The following RAB3GAP2 variants were observed in gnomAD, a reference collection of about 807,000 sequenced individuals.
The protein encoded by RAB3GAP2 is RAB3 GTPase activating non-catalytic protein subunit 2.
Under a neutral mutation model 185.3 loss-of-function variants are expected in RAB3GAP2, and 87 were observed. The ratio of observed to expected loss-of-function variants is 0.47; its 90% CI spans 0.39 to 0.56. The LOEUF (loss-of-function observed/expected upper bound fraction) is 0.56. Ranked by LOEUF, RAB3GAP2 falls within the 20% of genes least tolerant of loss-of-function variation. RAB3GAP2 has a pLI of 0.00. For synonymous variants in RAB3GAP2, 554 were observed against 576.1 expected (o/e 0.96, Z 0.55); for missense variants, 1,492 against 1,638.2 (o/e 0.91, Z 1.54).
At chr1:220,228,138 C>T (rs767907764) in intron 2 of RAB3GAP2, among the ~76,000 whole-genome samples, 20 of 152,168 alleles carry the variant, frequency 1.3e-4, no homozygotes, top group Non-Finnish European at 2.4e-4. Flanking sequence ...CTGGTTCCTT[C>T]TTTAATGTGG....
intron 1 of RAB3GAP2, among the ~76,000 whole-genome samples, chr1:220,247,572 T>C (rs1659843636): frequency 6.6e-6 from 1 of 152,114 alleles, no homozygotes; most frequent in Non-Finnish European, 1.5e-5. Flanking sequence ...TACAGAGTGA[T>C]ATAATGAACT....
chr1:220,218,878 C>A (rs762164650), intron 2 of RAB3GAP2, among the ~76,000 whole-genome samples: 4 of 152,098 alleles, frequency 2.6e-5, no homozygotes, highest in Admixed American at 6.5e-5. Flanking sequence ...AGCTCCTGGT[C>A]ACATGTAATT....
chr1:220,151,635 G>A lies in RAB3GAP2; in HGVS notation c.3997C>T (p.Pro1333Ser). 6.2e-7 allele frequency: 1 copy of A among 1,612,202 alleles called. No individual in the cohort carries two copies. The highest frequency in any genetic ancestry group is 1.1e-5 in the South Asian group (1 of 91,030). Reference sequence around the variant, plus strand: ...GCTTTCAGCCAAGTACACAGTGTGGGTGGAAGTCTGGCAAGCAGCTCCATT... The same window carrying A: ...GCTTTCAGCCAAGTACACAGTGTGGATGGAAGTCTGGCAAGCAGCTCCATT... ...EGMELLARLP[P>S]TLCTWLKAMD... The change falls in exon 34 of 35, where the codon CCC becomes TCC. Residue 1333 changes from proline to serine, a missense_variant. Physicochemically the swap from Pro to Ser is moderately conservative, Grantham distance 74 (BLOSUM62 -1). Around this residue, in one of 5 missense-constraint regions of RAB3GAP2, gnomAD observed 387 missense variants for 455.3 expected, o/e 0.85. Coordinates refer to ENST00000358951, the MANE Select transcript of RAB3GAP2 (RefSeq NM_012414.4).
At chr1:220,234,265 T>C (rs1318179523) in intron 1 of RAB3GAP2, among the ~76,000 whole-genome samples, 2 of 151,660 alleles carry the variant, frequency 1.3e-5, no homozygotes, top group Non-Finnish European at 2.9e-5. Context: ...GCAATCAGCT[T>C]TAAAATTCTG....
At chr1:220,258,015 C>G (rs1357172859) in intron 1 of RAB3GAP2, among the ~76,000 whole-genome samples, 1 of 152,020 alleles carries the variant, frequency 6.6e-6, no homozygotes, top group Non-Finnish European at 1.5e-5. Context: ...AATTCCTAGA[C>G]ACATACATCT....
intron 30 of RAB3GAP2, 122 bp from the exon 31 acceptor site, chr1:220,157,610 T>C: frequency 9.1e-7 from 1 of 1,098,746 alleles, no homozygotes; most frequent in Non-Finnish European, 1.3e-6. Flanking sequence ...CAAATTGTAA[T>C]AAAAAAACAC....
intron 15 of RAB3GAP2, 114 bp downstream of exon 15, chr1:220,190,263 G>A (rs1365952421): frequency 5.9e-6 from 9 of 1,531,372 alleles, no homozygotes; most frequent in Non-Finnish European, 5.4e-6. Context: ...AAAGATATCA[G>A]TCTAAAGACA....
chr1:220,224,806 T>A (rs1571915349), intron 2 of RAB3GAP2, among the ~76,000 whole-genome samples: 1 of 152,132 alleles, frequency 6.6e-6, no homozygotes, highest in Non-Finnish European at 1.5e-5. Flanking sequence ...CCTAAACTGA[T>A]GGAGAAGAAA....
chr1:220,195,085 C>T lies in RAB3GAP2; in HGVS notation c.1123G>A (p.Ala375Thr). 6.2e-7 allele frequency: 1 copy of T among 1,614,082 alleles called. No homozygotes were observed. Among genetic ancestry groups the T allele is most frequent in the Non-Finnish European group, 8.5e-7 (1 of 1,179,968 alleles). Residue 375 changes from alanine to threonine, a missense_variant, in exon 12 of 35, where the codon GCT becomes ACT. Ala to Thr is a moderately conservative substitution (Grantham distance 58). Transcript: ENST00000358951. ...GAAGCATGACAGACTTGCCTTACAG[C>T]TAATGGGGTAGCTGGCTCAACCTTC... The part of the protein sequence containing the change: ...KPKVEPATPL[A>T]VRFGLPDSRR...
At chr1:220,211,114 G>T in intron 4 of RAB3GAP2, 112 bp from the exon 5 acceptor site, 1 of 1,033,690 alleles carries the variant, frequency 9.7e-7, no homozygotes, top group Non-Finnish European at 1.5e-6. Context: ...CTGTGAACCA[G>T]TTTTATTTGA....
At chr1:220,192,988 A>C (rs1658652581) in intron 13 of RAB3GAP2, among the ~76,000 whole-genome samples, 1 of 152,232 alleles carries the variant, frequency 6.6e-6, no homozygotes, top group Admixed American at 6.5e-5. Flanking sequence ...AGAAATTGAC[A>C]ATAACAGTGA....
At chr1:220,261,790 C>A (rs975180431) in intron 1 of RAB3GAP2, among the ~76,000 whole-genome samples, 1 of 152,104 alleles carries the variant, frequency 6.6e-6, no homozygotes, top group Non-Finnish European at 1.5e-5. Flanking sequence ...TCAATGGCTA[C>A]CCTCTGCCCA....
intron 12 of RAB3GAP2, among the ~76,000 whole-genome samples, chr1:220,193,890 T>A (rs528444654): frequency 3.9e-5 from 6 of 152,050 alleles, no homozygotes; most frequent in African/African-American, 4.8e-5. Context: ...AAAATAAAAG[T>A]AAAGAAGTAC....
intron 7 of RAB3GAP2, chr1:220,207,715 C>T (rs1479365210): frequency 6.6e-6 from 1 of 152,272 alleles, no homozygotes; most frequent in African/African-American, 2.4e-5. Flanking sequence ...TTAGTTTCTC[C>T]AAAACCAGGT....
At chr1:220,238,109 T>C (rs1300089149) in intron 1 of RAB3GAP2, among the ~76,000 whole-genome samples, 1 of 152,210 alleles carries the variant, frequency 6.6e-6, no homozygotes, top group Non-Finnish European at 1.5e-5. Flanking sequence ...GGTGCAATTA[T>C]AGCTCACTGC....
intron 31 of RAB3GAP2, chr1:220,154,363 G>A: frequency 6.8e-6 from 2 of 292,556 alleles, no homozygotes; most frequent in South Asian, 3.9e-5. Context: ...CCAAGACCAC[G>A]TTCCAAAAGA....
intron 3 of RAB3GAP2, among the ~76,000 whole-genome samples, chr1:220,213,487 T>G (rs1659121788): frequency 6.6e-6 from 1 of 152,024 alleles, no homozygotes; most frequent in Non-Finnish European, 1.5e-5. Context: ...CATAATATTA[T>G]GAGTTTTCAA....
intron 1 of RAB3GAP2, among the ~76,000 whole-genome samples, chr1:220,270,038 A>T (rs895751481): frequency 2.6e-5 from 4 of 152,102 alleles, no homozygotes; most frequent in African/African-American, 9.7e-5. Context: ...TGCCTCCACT[A>T]TCCTACTGAA....
chr1:220,175,219 C>CTT (rs1347175474), intron 21 of RAB3GAP2, among the ~76,000 whole-genome samples: 1 of 151,714 alleles, frequency 6.6e-6, no homozygotes, highest in Non-Finnish European at 1.5e-5. Flanking sequence ...CATCAGATTT[C>CTT]TTTTCTTTTC....
Sources: gnomAD v4.1 joint callset for allele counts (sites outside exome capture counted in the v4.1 genomes callset) on GRCh38, gnomAD v4.1.1 for gene constraint, gnomAD v4.1.1 regional missense constraint, MANE v1.5 for transcripts, NCBI Gene and HGNC (gene_info 2026-07-23, HGNC 2026-07-21) for gene names.